CCNF: variants seen among roughly 807,000 people sequenced by gnomAD.
CCNF encodes cyclin F.
A neutral mutation model predicts 85.4 loss-of-function variants in CCNF; 30 were observed. The ratio of observed to expected loss-of-function variants is 0.35; its 90% confidence interval spans 0.26 to 0.48. The LOEUF is 0.48. Ranked by LOEUF, CCNF falls within the 20% of genes least tolerant of loss-of-function variation. CCNF has a pLI of 0.99. For missense variants in CCNF, 919 were observed against 1,010.4 expected, an observed-to-expected ratio of 0.91 and a Z score of 1.23; for synonymous variants, 439 against 425.1, an observed-to-expected ratio of 1.03 and a Z score of -0.40.
chr16:2,434,054 C>T (rs2065275509), intron 3 of CCNF, among the ~76,000 whole-genome samples: 1 of 152,190 alleles, frequency 6.6e-6, no homozygotes, highest in Non-Finnish European at 1.5e-5. Context: ...ACCTGTATTC[C>T]CAGCACTTTG....
In CCNF at chr16:2,443,679, A is replaced by G. The variant is rs1751707661; in HGVS notation, c.808A>G (p.Asn270Asp). Residue 270 changes from asparagine (N) to aspartate (D), a missense_variant, in exon 9 of 17, where the codon AAC becomes GAC. Asn to Asp is a conservative substitution (Grantham distance 23). Transcript: ENST00000397066. ...LSLAKACANA[N>D]QLGLEVRASS... The stretch of plus-strand genomic sequence containing the variant: ...TTTAGCCAAAGCCTGTGCAAATGCA[A>G]ACCAGCTTGGACTGGAGGTGAGAGC... The G allele has an allele frequency of 6.2e-7, 1 of 1,614,134 alleles. No homozygotes were observed. Among genetic ancestry groups the G allele is most frequent in the Admixed American group, 1.7e-5 (1 of 60,004 alleles).
In CCNF at chr16:2,455,388, C is replaced by T. The variant is rs886199998; in HGVS notation, c.1716-7C>T. On this transcript the variant is annotated splice_polypyrimidine_tract_variant and splice_region_variant and intron_variant, in intron 15 of 16. Transcript: ENST00000397066. ...ACTGGGTCTCCTGGGCTCTCTCCAC[C>T]TTGCAGGAAGCGGGAGAACAGCCTC... is the stretch of plus-strand genomic sequence containing the variant. 3 of 1,575,900 alleles carry T rather than the reference C, an allele frequency of 1.9e-6. No homozygotes were observed. Among genetic ancestry groups the T allele is most frequent in the East Asian group, 2.3e-5 (1 of 43,668 alleles).
chr16:2,436,980 C>G lies in CCNF; in HGVS notation c.347-149C>G, dbSNP rs546824548. The G allele has an allele frequency of 6.3e-5, 35 of 558,086 alleles. No homozygotes were observed. The South Asian group carries it at 1.2e-3, about 19-fold the overall frequency. The allele number at this position is 558,086 out of a possible 1,614,324, so 34.6% of individuals were successfully genotyped here. On this transcript the variant is annotated intron_variant, in intron 4 of 16. Transcript: ENST00000397066. The stretch of plus-strand genomic sequence containing the variant: ...GTAGGGGGAGAAAAGACAGGTGCCC[C>G]CATCCTGGAGGGCTCTACTCTCCTG...
intron 1 of CCNF, among the ~76,000 whole-genome samples, chr16:2,430,674 A>G (rs1005752004): frequency 2.6e-5 from 4 of 152,288 alleles, no homozygotes; most frequent in Admixed American, 2.6e-4. Context: ...CTTGAAAACC[A>G]GACTCTTCAA....
chr16:2,435,540 G>C (rs1004394100), intron 3 of CCNF, among the ~76,000 whole-genome samples: 1 of 150,850 alleles, frequency 6.6e-6, no homozygotes, highest in African/African-American at 2.4e-5. Context: ...AGCTGTGATC[G>C]CACCACTGCA....
chr16:2,439,451 G>T lies in CCNF; in HGVS notation c.693G>T (p.Arg231Ser), dbSNP rs2065309534. ...SSYLLWESDRRTDVSDPGRCL... is the reference protein window; with the variant it reads ...SSYLLWESDRSTDVSDPGRCL... ...ACCTCCTCTGGGAAAGCGACAGGAG[G>T]ACAGATGTGAGTGGTGCCTGCTCTG... Residue 231 changes from arginine to serine, a missense_variant, in exon 7 of 17, where the codon AGG (arginine) becomes AGT (serine). Arg to Ser is a moderately radical substitution (Grantham distance 110). Coordinates refer to ENST00000397066, the MANE Select transcript of CCNF (RefSeq NM_001761.3). 1 of 1,607,246 alleles carries T rather than the reference G, an allele frequency of 6.2e-7. No individual in the cohort carries two copies. The highest frequency in any genetic ancestry group is 8.5e-7 in the Non-Finnish European group (1 of 1,176,282).
intron 9 of CCNF, 32 bp from the exon 10 acceptor site, chr16:2,445,426 C>G (rs1425665728): frequency 1.2e-6 from 2 of 1,612,206 alleles, no homozygotes; most frequent in African/African-American, 2.7e-5. Context: ...GAGAACGCCC[C>G]CACCAGTTCC....
At chr16:2,454,704 G>A (rs1418306366) in intron 15 of CCNF, among the ~76,000 whole-genome samples, 2 of 152,218 alleles carry the variant, frequency 1.3e-5, no homozygotes, top group East Asian at 3.9e-4. Flanking sequence ...CACCGCCCAA[G>A]GCCAGGCCAT....
chr16:2,443,944 G>T, intron 9 of CCNF, 144 bp downstream of exon 9: 2 of 666,904 alleles, frequency 3.0e-6, no homozygotes, highest in Non-Finnish European at 4.9e-6. Flanking sequence ...TTTTGAAGTG[G>T]AGTCTCGCTC....
chr16:2,429,721 C>T (rs1000901936), intron 1 of CCNF, among the ~76,000 whole-genome samples: 1 of 152,078 alleles, frequency 6.6e-6, no homozygotes, highest in East Asian at 1.9e-4. Flanking sequence ...AGCCTTCCCC[C>T]GCGGCGACGT....
At chr16:2,434,771 C>G (rs890935541) in intron 3 of CCNF, among the ~76,000 whole-genome samples, 10 of 152,212 alleles carry the variant, frequency 6.6e-5, no homozygotes, top group Non-Finnish European at 1.3e-4. Flanking sequence ...ATTTTCCCCA[C>G]AATCCTGGAA....
At position 2,452,080 on chromosome 16, in the gene CCNF, C is replaced by T. The variant is rs944917452; in HGVS notation, c.1488-1130C>T. Among the ~76,000 whole-genome samples, 1 of 152,260 alleles carries T rather than the reference C, an allele frequency of 6.6e-6. No individual in the cohort carries two copies. Among genetic ancestry groups the T allele is most frequent in the Admixed American group, 6.5e-5 (1 of 15,288 alleles). ...TCAGTGCAGTTTCCTCGTGCGCTCA[C>T]AGCTTGGGGACTGGAGCTATCCGTG... On this transcript the variant is annotated intron_variant, in intron 13 of 16. Transcript: ENST00000397066. This position sits in a 1 kb window ranked among gnomAD's most constrained non-coding sequence, Gnocchi z 4.1.
At chr16:2,440,580 G>A (rs1466822956) in intron 8 of CCNF, among the ~76,000 whole-genome samples, 1 of 152,196 alleles carries the variant, frequency 6.6e-6, no homozygotes, top group Admixed American at 6.5e-5. Context: ...GGGCGACAGA[G>A]CAAGACTCTG....
At position 2,431,169 on chromosome 16, in the gene CCNF, C is replaced by G. The variant is rs2065260525; in HGVS notation, c.56C>G (p.Thr19Arg). 6.2e-7 allele frequency: 1 copy of G among 1,614,018 alleles called. No homozygotes were observed. Among genetic ancestry groups the G allele is most frequent in the East Asian group, 2.2e-5 (1 of 44,880 alleles). ...CRCAKCFCYP[T>R]KRRIRRRPRN... is the part of the protein sequence containing the mutation. ...TGTGCCAAGTGTTTCTGTTATCCTA[C>G]AAAGCGAAGAATAAGGAGGAGGCCC... The change falls in exon 2 of 17, where the codon ACA (threonine) becomes AGA (arginine). Residue 19 changes from threonine to arginine, a missense_variant. This residue lies in a region of CCNF where 410 missense variants were observed against 478.6 expected (regional missense o/e 0.86). Transcript: ENST00000397066.
intron 8 of CCNF, among the ~76,000 whole-genome samples, chr16:2,442,253 C>A (rs1231345902): frequency 7.1e-6 from 1 of 141,350 alleles, no homozygotes; most frequent in Non-Finnish European, 1.5e-5. Context: ...GTGATCTGCC[C>A]GCCTCGGCCT....
Position 2,438,123 on chromosome 16 carries a change from G to A in CCNF, c.594G>A (p.Glu198=). 6.2e-7 allele frequency: 1 copy of A among 1,603,628 alleles called. No individual in the cohort carries two copies. Among genetic ancestry groups the A allele is most frequent in the Non-Finnish European group, 8.5e-7 (1 of 1,170,452 alleles). The change falls in exon 6 of 17, where the codon GAG becomes GAA. Residue 198 remains glutamate, a splice_region_variant and synonymous_variant. Transcript: ENST00000397066. ...TGGGCAGAGTGCTGAGTCTGTTCGA[G>A]GTGAGTCAAGTTGTTCTCTGCACTG... ...HCLGRVLSLF[E]DEEKQQQAHD... is the part of the protein sequence containing the mutation.
At chr16:2,430,056 G>T (rs2065255162) in intron 1 of CCNF, among the ~76,000 whole-genome samples, 1 of 152,204 alleles carries the variant, frequency 6.6e-6, no homozygotes, top group South Asian at 2.1e-4. Context: ...TTATGGAGAG[G>T]TCTATAGAAT....
Position 2,443,834 on chromosome 16 carries a change from C to G in CCNF, c.929+34C>G, listed in dbSNP as rs185086673. On this transcript the variant is annotated intron_variant, in intron 9 of 16. Coordinates refer to ENST00000397066, the MANE Select transcript of CCNF (RefSeq NM_001761.3). ...TTCAGGCCGGGGCTTCTAATCAGAG[C>G]GGCGCGGAAGCCAGCCTCCAGGGGA... The G allele has an allele frequency of 4.4e-6, 7 of 1,601,516 alleles. No homozygotes were observed. In the South Asian group the frequency reaches 5.5e-5, roughly 13 times the overall value.
At position 2,445,513 on chromosome 16, in the gene CCNF, C is replaced by T; in HGVS notation, c.985C>T (p.Leu329=). The part of the protein sequence containing the change: ...EVATMKDFTS[L]CLHLTVECVD... Reference sequence around the variant, plus strand: ...TGCCACCATGAAGGACTTCACAAGCCTGTGCCTGCACCTGACCGTGGAGTG... The same window carrying T: ...TGCCACCATGAAGGACTTCACAAGCTTGTGCCTGCACCTGACCGTGGAGTG... Residue 329 remains leucine (L), a synonymous_variant, in exon 10 of 17, where the codon CTG becomes TTG. Coordinates refer to ENST00000397066, the MANE Select transcript of CCNF (RefSeq NM_001761.3). 6.2e-7 allele frequency: 1 copy of T among 1,614,200 alleles called. No individual in the cohort carries two copies. The highest frequency in any genetic ancestry group is 8.5e-7 in the Non-Finnish European group (1 of 1,180,030).
Sources: gnomAD v4.1 joint callset for allele counts (sites outside exome capture counted in the v4.1 genomes callset) on GRCh38, gnomAD v4.1.1 for gene constraint, gnomAD v4.1.1 regional missense constraint, Gnocchi (gnomAD v3.1) non-coding constraint, MANE v1.5 for transcripts, NCBI Gene and HGNC (gene_info 2026-07-23, HGNC 2026-07-21) for gene names.